The following AQP9 variants were observed in gnomAD, a reference collection of about 807,000 sequenced individuals.
The protein encoded by AQP9 is aquaporin-9.
Under a neutral mutation model 23.8 loss-of-function variants are expected in AQP9, and 19 were observed. The observed-to-expected ratio is 0.80, with a 90% confidence interval of 0.56 to 1.17. The LOEUF (loss-of-function observed/expected upper bound fraction) is 1.17. AQP9 is among the 50% of genes most tolerant of loss of function. The pLI is 0.00. For synonymous variants in AQP9, 153 were observed against 131.5 expected, an observed-to-expected ratio of 1.16 and a Z score of -1.12; for missense variants, 413 against 362.0, an observed-to-expected ratio of 1.14 and a Z score of -1.14.
chr15:58,152,343 T>C (rs1898167233), intron 1 of AQP9: 1 of 152,164 alleles, frequency 6.6e-6, no homozygotes, highest in Non-Finnish European at 1.5e-5. Context: ...TAATTACAGA[T>C]CTTTACTCCC....
chr15:58,164,503 T>G (rs780447020), intron 1 of AQP9, among the ~76,000 whole-genome samples: 3 of 152,238 alleles, frequency 2.0e-5, no homozygotes, highest in Non-Finnish European at 4.4e-5. Flanking sequence ...AATGTGGTTT[T>G]AATTCCAACA....
chr15:58,150,129 G>A (rs1183524253), intron 1 of AQP9: 2 of 152,750 alleles, frequency 1.3e-5, no homozygotes, highest in Non-Finnish European at 2.9e-5. Flanking sequence ...TGTGGGCATG[G>A]TGGAGTTGCA....
At chr15:58,168,329 C>T (rs1379352384) in intron 2 of AQP9, among the ~76,000 whole-genome samples, 1 of 152,122 alleles carries the variant, frequency 6.6e-6, no homozygotes, top group African/African-American at 2.4e-5. Context: ...CCACACCCAG[C>T]CAACACATCC....
At chr15:58,164,667 T>C (rs1280834795) in intron 1 of AQP9, among the ~76,000 whole-genome samples, 1 of 152,120 alleles carries the variant, frequency 6.6e-6, no homozygotes, top group Non-Finnish European at 1.5e-5. Context: ...GGTACAAAGC[T>C]CTCCACCTTT....
At chr15:58,168,479 A>C (rs1415765660) in intron 2 of AQP9, among the ~76,000 whole-genome samples, 1 of 151,322 alleles carries the variant, frequency 6.6e-6, no homozygotes, top group African/African-American at 2.5e-5. Flanking sequence ...GATTGCTTAG[A>C]CTCCTTGGGA....
chr15:58,148,217 T>C (rs1447097584), intron 1 of AQP9, among the ~76,000 whole-genome samples: 5 of 152,074 alleles, frequency 3.3e-5, no homozygotes, highest in Non-Finnish European at 1.5e-5. Flanking sequence ...AAGAATTAAG[T>C]GAAAAAAATA....
At chr15:58,145,627 A>C (rs1175656785) in intron 1 of AQP9, among the ~76,000 whole-genome samples, 2 of 152,186 alleles carry the variant, frequency 1.3e-5, no homozygotes, top group African/African-American at 4.8e-5. Context: ...GTTGTCTAAT[A>C]TTTAAATTTT....
chr15:58,178,587 G>A (rs1898808312), intron 4 of AQP9, among the ~76,000 whole-genome samples: 1 of 152,144 alleles, frequency 6.6e-6, no homozygotes, highest in Non-Finnish European at 1.5e-5. Flanking sequence ...GAAATAACGG[G>A]TATCTTTTTC....
chr15:58,173,152 C>T lies in AQP9; in HGVS notation c.323C>T (p.Ala108Val), dbSNP rs2140625721. The change falls in exon 3 of 6, where the codon GCC (alanine) becomes GTC (valine). Residue 108 changes from alanine to valine, a missense_variant. Ala to Val is a moderately conservative substitution (Grantham distance 64). Coordinates refer to ENST00000219919, the MANE Select transcript of AQP9 (RefSeq NM_020980.5). Reference sequence around the variant, plus strand: ...TTCAAATTGCCATTTTATGTGGGAGCCCAGTTCTTGGGAGCCTTTGTGGGG... The same window carrying T: ...TTCAAATTGCCATTTTATGTGGGAGTCCAGTTCTTGGGAGCCTTTGTGGGG... ...KWFKLPFYVG[A>V]QFLGAFVGAA... 3.7e-6 allele frequency: 6 copies of T among 1,614,144 alleles called. No homozygotes were observed. The South Asian group carries it at 6.6e-5, about 18-fold the overall frequency.
At chr15:58,181,205 T>C (rs1898881872) in intron 5 of AQP9, among the ~76,000 whole-genome samples, 1 of 152,236 alleles carries the variant, frequency 6.6e-6, no homozygotes, top group Non-Finnish European at 1.5e-5. Flanking sequence ...TAATGTCCCA[T>C]GTCCTTAGCT....
rs74016580 is a variant in AQP9, at chr15:58,179,404, C to T, written c.713+59C>T. ...GTCATGCTGCGCCTCACCAGTGGGG[C>T]GGGGCTTTGACATGGAGATCCAGGG... On this transcript the variant is annotated intron_variant, in intron 5 of 5. Coordinates refer to ENST00000219919, the MANE Select transcript of AQP9 (RefSeq NM_020980.5). The T allele has an allele frequency of 1.9e-3, 2,877 of 1,484,042 alleles. 48 individuals are homozygous for T. In the African/African-American group the frequency reaches 0.035, roughly 18 times the overall value. The allele number at this position is 1,484,042 out of a possible 1,614,324, so 91.9% of individuals were successfully genotyped here.
intron 3 of AQP9, among the ~76,000 whole-genome samples, chr15:58,174,105 G>C (rs1257129642): frequency 5.3e-5 from 8 of 151,838 alleles, no homozygotes. Context: ...GCAACATAGG[G>C]ATACCTCGTC....
rs1366077411 is a variant in AQP9 at position 58,185,395 on chromosome 15, C to G, written c.*1260C>G. On this transcript the variant is annotated 3_prime_UTR_variant, in exon 6 of 6. Coordinates refer to ENST00000219919, the MANE Select transcript of AQP9 (RefSeq NM_020980.5). ...ACCTCTGGACAAAATGTTCCTCAAT[C>G]TTAAGATACAAAGACCCTCATTGTC... The G allele has an allele frequency of 6.5e-6, 1 of 152,784 alleles. No individual in the cohort carries two copies. The highest frequency in any genetic ancestry group is 1.5e-5 in the Non-Finnish European group (1 of 68,028). The allele number at this position is 152,784 out of a possible 1,614,324, so 9.5% of individuals were successfully genotyped here.
chr15:58,184,367 C>T lies in AQP9; in HGVS notation c.*232C>T. 2.2e-6 allele frequency: 1 copy of T among 460,492 alleles called. No homozygotes were observed. Among genetic ancestry groups the T allele is most frequent in the Non-Finnish European group, 3.8e-6 (1 of 264,570 alleles). 28.5% of individuals were successfully genotyped at this position (460,492 alleles called of 1,614,324 possible). A position where few individuals can be genotyped will look rare whatever the true frequency, so the allele number is the denominator to read the frequency against. ...GAATAACGCTGACTGTCCCCTGAAA[C>T]AGCCTTCTCTCCTGCCCTGTTTATT... On this transcript the variant is annotated 3_prime_UTR_variant, in exon 6 of 6. Transcript: ENST00000219919.
intron 1 of AQP9, among the ~76,000 whole-genome samples, chr15:58,164,739 C>T (rs1270353245): frequency 6.6e-6 from 1 of 152,112 alleles, no homozygotes; most frequent in East Asian, 1.9e-4. Context: ...GACATGAAAG[C>T]ATCATCTACG....
At chr15:58,160,225 G>A (rs939951628) in intron 1 of AQP9, among the ~76,000 whole-genome samples, 6 of 150,104 alleles carry the variant, frequency 4.0e-5, no homozygotes, top group African/African-American at 1.5e-4. Flanking sequence ...GTTTTGATTC[G>A]CATTTCTCTG....
chr15:58,149,946 T>C (rs112890058), intron 1 of AQP9, among the ~76,000 whole-genome samples: 54 of 152,368 alleles, frequency 3.5e-4, no homozygotes, highest in Middle Eastern at 3.4e-3. Flanking sequence ...CCACAGATGC[T>C]TTCTCCAGGA....
intron 1 of AQP9, 170 bp downstream of exon 1, chr15:58,138,846 G>A (rs538493117): frequency 3.4e-6 from 2 of 585,756 alleles, no homozygotes; most frequent in South Asian, 4.3e-5. Context: ...TAGGGGTTGT[G>A]ATATTAAGTT....
In AQP9 at chr15:58,176,615, GCT is replaced by G. The variant is rs1491525682; in HGVS notation, c.495+1580_495+1581del. On this transcript the variant is annotated intron_variant, in intron 4 of 5. Coordinates refer to ENST00000219919, the MANE Select transcript of AQP9 (RefSeq NM_020980.5). ...TGGTTATTTTGGTGTTTTTCTCTAA[GCT>G]TTTTTTTTTTTTTTTTAAGACTGAG... Among the ~76,000 whole-genome samples the G allele has an allele frequency of 6.8e-4, 76 of 111,530 alleles. 1 individual carries two copies. The East Asian group carries it at 0.018, about 27-fold the overall frequency. 73.2% of individuals were successfully genotyped at this position (111,530 alleles called of 152,430 possible).
Sources: allele counts gnomAD v4.1 joint callset (sites outside exome capture counted in the v4.1 genomes callset), GRCh38; gene constraint gnomAD v4.1.1; transcripts MANE v1.5; gene names NCBI Gene and HGNC (gene_info 2026-07-23, HGNC 2026-07-21).